Variants in PDE1C observed in about 807,000 individuals in gnomAD.
The protein encoded by PDE1C is phosphodiesterase 1C.
In PDE1C, 62 loss-of-function variants were observed where a neutral mutation model predicts 93.1. The ratio of observed to expected loss-of-function variants is 0.67; its 90% confidence interval spans 0.54 to 0.82. The LOEUF (loss-of-function observed/expected upper bound fraction) is 0.82. Ranked by LOEUF, PDE1C falls within the 40% of genes least tolerant of loss-of-function variation. The pLI, the probability that PDE1C is intolerant of heterozygous loss-of-function variation, is 0.00. For synonymous variants in PDE1C, 325 were observed against 310.1 expected (o/e 1.05, Z -0.50); for missense variants, 742 against 884.6 (o/e 0.84, Z 2.04).
upstream of PDE1C, among the ~76,000 whole-genome samples, chr7:32,076,095 A>G (rs1417502733): frequency 6.6e-6 from 1 of 152,150 alleles, no homozygotes; most frequent in Non-Finnish European, 1.5e-5. Context: ...CTGCCCCCGC[A>G]GGCCAGATTT....
chr7:31,989,534 A>T lies in PDE1C; in HGVS notation c.128+62020T>A, dbSNP rs1783897460. Reference sequence around the variant, plus strand: ...TTCTTCTTCCATTTGGCGTATATATATGCACAACAATGAGGTTTTTGCCTT... The same window carrying T: ...TTCTTCTTCCATTTGGCGTATATATTTGCACAACAATGAGGTTTTTGCCTT... On this transcript the variant is annotated intron_variant, in intron 2 of 17. Coordinates refer to ENST00000396191, the MANE Select transcript of PDE1C (RefSeq NM_001191057.4). 2.0e-5 allele frequency among the ~76,000 whole-genome samples: 3 copies of T among 152,228 alleles called. No individual in the cohort carries two copies. In the South Asian group the frequency reaches 6.2e-4, roughly 31 times the overall value.
the PDE1C span, among the ~76,000 whole-genome samples, chr7:31,721,849 T>C: frequency 1.3e-5 from 2 of 152,196 alleles, no homozygotes; most frequent in Non-Finnish European, 2.9e-5. Flanking sequence ...AGGAAAATAA[T>C]ATTCCCTGAA....
At chr7:31,961,672 C>T (rs1013625726) in intron 2 of PDE1C, among the ~76,000 whole-genome samples, 1 of 152,118 alleles carries the variant, frequency 6.6e-6, no homozygotes, top group East Asian at 1.9e-4. Context: ...CTAGAATTTT[C>T]CCCTTCCCCC....
exon 3 of PDE1C, chr7:32,169,911 A>G (rs1562543424): frequency 2.5e-6 from 4 of 1,612,658 alleles, no homozygotes; most frequent in Non-Finnish European, 3.4e-6. Context: ...ATTCCCTGTG[A>G]GCCCATCGAT....
intron 14 of PDE1C, among the ~76,000 whole-genome samples, chr7:31,821,160 C>T (rs1271812229): frequency 6.6e-6 from 1 of 152,078 alleles, no homozygotes. Context: ...ATAACACCTC[C>T]TTCAGGTCTT....
intron 2 of PDE1C, among the ~76,000 whole-genome samples, chr7:31,975,866 A>C (rs1811597564): frequency 6.6e-6 from 1 of 152,196 alleles, no homozygotes; most frequent in African/African-American, 2.4e-5. Flanking sequence ...ACAGGCTAAG[A>C]ACCACATCAC....
intron 2 of PDE1C, among the ~76,000 whole-genome samples, chr7:31,934,904 A>G (rs1029844387): frequency 3.3e-5 from 5 of 152,204 alleles, no homozygotes; most frequent in African/African-American, 1.2e-4. Flanking sequence ...TCTCTTTCCA[A>G]TATTACAATT....
intron 7 of PDE1C, among the ~76,000 whole-genome samples, chr7:31,861,846 A>G (rs985407268): frequency 6.6e-6 from 1 of 152,182 alleles, no homozygotes; most frequent in East Asian, 1.9e-4. Context: ...TTCCCTGTCT[A>G]AAACCCTGTA....
chr7:31,941,011 T>C lies in PDE1C; in HGVS notation c.129-60151A>G, dbSNP rs147892932. ...CCCAGTTAAGCCTCATTTCTGCACA[T>C]GACAGATTAAAATAAACAAAACACC... On this transcript the variant is annotated intron_variant, in intron 2 of 17. Transcript: ENST00000396191. Among the ~76,000 whole-genome samples the C allele has an allele frequency of 8.9e-4, 135 of 152,042 alleles. No homozygotes were observed. In the East Asian group the frequency reaches 0.025, roughly 28 times the overall value.
intron 2 of PDE1C, among the ~76,000 whole-genome samples, chr7:32,205,678 C>T (rs1386902896): frequency 6.6e-6 from 1 of 152,180 alleles, no homozygotes; most frequent in Non-Finnish European, 1.5e-5. Context: ...ATGAATTTTC[C>T]TGCTGCTGGC....
chr7:32,375,073 G>A (rs975160021), intron 1 of PDE1C, among the ~76,000 whole-genome samples: 3 of 152,308 alleles, frequency 2.0e-5, no homozygotes, highest in Non-Finnish European at 4.4e-5. Context: ...AATTGTGAGT[G>A]AGGATGTATC....
At chr7:32,248,699 T>A (rs746767530) in intron 1 of PDE1C, among the ~76,000 whole-genome samples, 45 of 152,202 alleles carry the variant, frequency 3.0e-4, no homozygotes, top group Non-Finnish European at 5.3e-4. Flanking sequence ...CAAGTAGACA[T>A]GCCAGGACCC....
Position 32,319,959 on chromosome 7 carries a change from G to C in PDE1C, c.310+107863C>G, listed in dbSNP as rs1204469427. ...TCAAAGTCCAAAAATGAGTGGGATG[G>C]ATAAAAGAGGTCCCAGAGTCCCACG... On this transcript the variant is annotated intron_variant, in intron 1 of 1. Transcript: ENST00000672256. 3.3e-5 allele frequency among the ~76,000 whole-genome samples: 5 copies of C among 152,296 alleles called. No individual in the cohort carries two copies. In the South Asian group the frequency reaches 1.0e-3, roughly 32 times the overall value.
intron 1 of PDE1C, among the ~76,000 whole-genome samples, chr7:32,219,659 G>C (rs1806691956): frequency 1.3e-5 from 2 of 152,164 alleles, no homozygotes; most frequent in African/African-American, 4.8e-5. Flanking sequence ...ATACCCTGGT[G>C]GCCACCATAA....
At chr7:32,052,074 G>A (rs1377394660) in intron 1 of PDE1C, among the ~76,000 whole-genome samples, 2 of 152,152 alleles carry the variant, frequency 1.3e-5, no homozygotes, top group Non-Finnish European at 2.9e-5. Context: ...CTAGCACTGA[G>A]GTCCCTTTAA....
chr7:32,033,800 C>T (rs1362150321), intron 2 of PDE1C, among the ~76,000 whole-genome samples: 1 of 152,102 alleles, frequency 6.6e-6, no homozygotes, highest in Non-Finnish European at 1.5e-5. Flanking sequence ...AAAAACAGTA[C>T]CCTGATTTAT....
At chr7:32,386,988 A>G (rs969727458) in intron 1 of PDE1C, among the ~76,000 whole-genome samples, 2 of 151,140 alleles carry the variant, frequency 1.3e-5, no homozygotes, top group East Asian at 2.0e-4. Flanking sequence ...AAGTGAACAA[A>G]GGTCTCTGGT....
At chr7:31,651,875 A>G in the PDE1C span, 3 of 1,129,672 alleles carry the variant, frequency 2.7e-6, no homozygotes, top group Non-Finnish European at 3.9e-6. Flanking sequence ...TTATGAGGTG[A>G]CAATGGAAGA....
chr7:31,914,504 T>C (rs919319342), intron 2 of PDE1C, among the ~76,000 whole-genome samples: 2 of 152,302 alleles, frequency 1.3e-5, no homozygotes, highest in African/African-American at 2.4e-5. Flanking sequence ...TGAAAGCAAA[T>C]AGCAGACCTA....
Sources: gnomAD v4.1 joint callset for allele counts (sites outside exome capture counted in the v4.1 genomes callset) on GRCh38, gnomAD v4.1.1 for gene constraint, MANE v1.5 for transcripts, NCBI Gene and HGNC (gene_info 2026-07-23, HGNC 2026-07-21) for gene names.